PKHD1: variants seen among roughly 807,000 people sequenced by gnomAD.
PKHD1 encodes the protein PKHD1 ciliary IPT domain containing fibrocystin/polyductin.
Under a neutral mutation model 412.0 loss-of-function variants are expected in PKHD1, and 291 were observed. That is an observed-to-expected ratio of 0.71 (90% confidence interval 0.64 to 0.78). The LOEUF is 0.78. PKHD1 is among the 30% of genes least tolerant of loss of function. The pLI is 0.00. For synonymous variants in PKHD1, 1,777 were observed against 1,821.5 expected, an observed-to-expected ratio of 0.98 and a Z score of 0.62; for missense variants, 4,825 against 4,950.7, an observed-to-expected ratio of 0.97 and a Z score of 0.76.
In PKHD1 at chr6:51,934,191, A is replaced by G. The variant is rs778509843; in HGVS notation, c.6040T>C (p.Tyr2014His). 2 of 1,613,884 alleles carry G rather than the reference A, an allele frequency of 1.2e-6. No homozygotes were observed. The highest frequency in any genetic ancestry group is 1.3e-5 in the African/African-American group (1 of 75,048). Residue 2014 changes from tyrosine to histidine, a missense_variant, in exon 37 of 67, where the codon TAC becomes CAC. Transcript: ENST00000371117. ...AAGGGAGTTGAGTAGGAACTCCCGT[A>G]GAGTGTGATCTGAGCTCTGCCTTGG... ...PFQGRAQITLYGSSYSTPFFP... is the reference protein window; with the variant it reads ...PFQGRAQITLHGSSYSTPFFP...
At chr6:51,970,025 T>A (rs1793434393) in intron 35 of PKHD1, among the ~76,000 whole-genome samples, 1 of 152,214 alleles carries the variant, frequency 6.6e-6, no homozygotes, top group Non-Finnish European at 1.5e-5. Context: ...CTGTTTTCCA[T>A]AATGGTTCTA....
chr6:51,665,388 G>A (rs776258524), intron 60 of PKHD1, among the ~76,000 whole-genome samples: 1 of 152,064 alleles, frequency 6.6e-6, no homozygotes, highest in African/African-American at 2.4e-5. Context: ...TTGTATATCA[G>A]ATATATTATT....
At chr6:52,076,404 T>C in intron 5 of PKHD1, 71 bp from the exon 6 acceptor site, 1 of 1,091,042 alleles carries the variant, frequency 9.2e-7, no homozygotes, top group Non-Finnish European at 1.4e-6. Context: ...CACAAGCCTT[T>C]CCTCAGACAG....
intron 1 of PKHD1, 125 bp from the exon 2 acceptor site, chr6:52,085,142 C>G: frequency 1.9e-6 from 1 of 536,700 alleles, no homozygotes; most frequent in South Asian, 2.1e-5. Flanking sequence ...TCAAATGGAG[C>G]CACCATTTTT....
intron 35 of PKHD1, among the ~76,000 whole-genome samples, chr6:51,987,719 C>G (rs939074480): frequency 6.6e-6 from 1 of 150,536 alleles, no homozygotes; most frequent in African/African-American, 2.4e-5. Flanking sequence ...GAAAGAAGTT[C>G]TTTTTCTAAG....
chr6:51,899,036 C>G (rs947691320), intron 43 of PKHD1, among the ~76,000 whole-genome samples: 2 of 152,146 alleles, frequency 1.3e-5, no homozygotes, highest in African/African-American at 2.4e-5. Context: ...AGCTTACCAA[C>G]CAAAAAGAGT....
At chr6:51,755,596 T>G (rs1254164515) in intron 55 of PKHD1, among the ~76,000 whole-genome samples, 1 of 152,194 alleles carries the variant, frequency 6.6e-6, no homozygotes, top group East Asian at 1.9e-4. Flanking sequence ...TTTAATACAG[T>G]TTCTGTTCAG....
chr6:52,043,641 A>C lies in PKHD1; in HGVS notation c.2805T>G (p.Ser935=). The change falls in exon 26 of 67, where the codon TCT becomes TCG. Residue 935 remains serine, a synonymous_variant. Coordinates refer to ENST00000371117, the MANE Select transcript of PKHD1 (RefSeq NM_138694.4). ...YLQGSTPCVH[S]VWYSIDGDIN... is the part of the protein sequence containing the mutation. The stretch of plus-strand genomic sequence containing the variant: ...AAATCATACCAATGGAGTACCACAC[A>C]GAATGGACACAGGGAGTTGACCCTT... 3 of 1,611,362 alleles carry C rather than the reference A, an allele frequency of 1.9e-6. No individual in the cohort carries two copies. Among genetic ancestry groups the C allele is most frequent in the Non-Finnish European group, 2.5e-6 (3 of 1,177,580 alleles).
intron 38 of PKHD1, 129 bp from the exon 39 acceptor site, chr6:51,912,085 A>G: frequency 1.3e-6 from 1 of 776,206 alleles, no homozygotes; most frequent in Non-Finnish European, 2.2e-6. Flanking sequence ...CTCAATACCA[A>G]ATAGTGAACT....
chr6:51,939,989 G>A (rs1177831262), intron 36 of PKHD1, among the ~76,000 whole-genome samples: 2 of 151,486 alleles, frequency 1.3e-5, no homozygotes, highest in Non-Finnish European at 3.0e-5. Context: ...AAAGGTGGCT[G>A]GAGCTAAAGG....
intron 37 of PKHD1, among the ~76,000 whole-genome samples, chr6:51,914,540 C>T (rs1350186665): frequency 6.6e-6 from 1 of 152,092 alleles, no homozygotes; most frequent in Non-Finnish European, 1.5e-5. Context: ...GACCCTCTTG[C>T]AAACAGCTTT....
In PKHD1 at chr6:51,957,706, T is replaced by C. The variant is rs140716017; in HGVS notation, c.5908+2164A>G. On this transcript the variant is annotated intron_variant, in intron 36 of 66. Transcript: ENST00000371117. ...ACTGGATGTATACAATTCCAGTAAG[T>C]GAGATGGAGAATTTCCTCAAACTTT... 3.2e-3 allele frequency among the ~76,000 whole-genome samples: 481 copies of C among 152,196 alleles called. 3 individuals carry two copies. The highest frequency in any genetic ancestry group is 0.011 in the African/African-American group (449 of 41,548).
chr6:51,888,160 C>A (rs1778502160), intron 43 of PKHD1, among the ~76,000 whole-genome samples: 2 of 152,228 alleles, frequency 1.3e-5, no homozygotes, highest in African/African-American at 4.8e-5. Flanking sequence ...CTGAGTACAA[C>A]TACAACTCAA....
At chr6:51,776,311 G>T (rs958952088) in intron 53 of PKHD1, among the ~76,000 whole-genome samples, 1 of 151,900 alleles carries the variant, frequency 6.6e-6, no homozygotes, top group Non-Finnish European at 1.5e-5. Flanking sequence ...TTTTTTACCA[G>T]ATCTCTTTCA....
rs1350025027 is a variant in PKHD1, at chr6:51,661,056, T to TATC, written c.10157-1090_10157-1088dup. Reference sequence around the variant, plus strand: ...GCTCATTAGAAAAAAAAGATATTCCTATCACCCAGGAAATTCCAAGGGATT... The same window carrying TATC: ...GCTCATTAGAAAAAAAAGATATTCCTATCATCACCCAGGAAATTCCAAGGGATT... On this transcript the variant is annotated intron_variant, in intron 60 of 66. Transcript: ENST00000371117. Among the ~76,000 whole-genome samples the TATC allele has an allele frequency of 1.3e-4, 20 of 152,066 alleles. 1 individual carries two copies.
intron 51 of PKHD1, among the ~76,000 whole-genome samples, chr6:51,834,655 C>G (rs979581426): frequency 1.5e-4 from 23 of 152,104 alleles, no homozygotes; most frequent in African/African-American, 5.3e-4. Context: ...AATTTTGGCA[C>G]TAGCACAGAT....
At chr6:51,895,047 TAC>T (rs1389325341) in intron 43 of PKHD1, among the ~76,000 whole-genome samples, 2 of 152,246 alleles carry the variant, frequency 1.3e-5, no homozygotes, top group South Asian at 2.1e-4. Context: ...TGCACATACA[TAC>T]ACACACACCT....
intron 60 of PKHD1, among the ~76,000 whole-genome samples, chr6:51,713,125 T>C (rs1464038528): frequency 6.6e-6 from 1 of 152,220 alleles, no homozygotes; most frequent in Non-Finnish European, 1.5e-5. Context: ...ATTCATATTA[T>C]TGTAATCAGT....
intron 46 of PKHD1, among the ~76,000 whole-genome samples, chr6:51,874,938 T>C (rs1281082681): frequency 2.5e-5 from 2 of 79,320 alleles, no homozygotes; most frequent in Non-Finnish European, 4.5e-5. Flanking sequence ...GGGCGAGGCA[T>C]TGCCTCACCT....
Sources: allele counts gnomAD v4.1 joint callset (sites outside exome capture counted in the v4.1 genomes callset), GRCh38; gene constraint gnomAD v4.1.1; transcripts MANE v1.5; gene names NCBI Gene and HGNC (gene_info 2026-07-23, HGNC 2026-07-21).